Variants in AEBP2 observed in about 807,000 individuals in gnomAD.
AEBP2 encodes the protein zinc finger protein AEBP2.
A neutral mutation model predicts 50.8 loss-of-function variants in AEBP2; 10 were observed. That is an observed-to-expected ratio of 0.20 (90% CI 0.12 to 0.33). AEBP2 has a LOEUF of 0.33. Among genes scored for constraint, AEBP2 ranks in the 10% least tolerant of loss-of-function variants. The pLI, the probability that AEBP2 is intolerant of heterozygous loss-of-function variation, is 1.00. For missense variants in AEBP2, 570 were observed against 688.0 expected (o/e 0.83, Z 1.92); for synonymous variants, 296 against 261.3 (o/e 1.13, Z -1.28).
upstream of AEBP2, among the ~76,000 whole-genome samples, chr12:19,437,150 C>G (rs1947868075): frequency 6.6e-6 from 1 of 152,166 alleles, no homozygotes; most frequent in African/African-American, 2.4e-5. Flanking sequence ...ACAGAGAGGT[C>G]AAGACGAATC....
At chr12:19,482,727 G>T (rs1011840555) in intron 3 of AEBP2, among the ~76,000 whole-genome samples, 2 of 152,168 alleles carry the variant, frequency 1.3e-5, no homozygotes, top group African/African-American at 4.8e-5. Flanking sequence ...GGCGGAACTG[G>T]GCTCAGACTC....
chr12:19,468,126 T>TTGTG (rs10643072), intron 2 of AEBP2, among the ~76,000 whole-genome samples: 7,823 of 144,002 alleles, frequency 0.054, 682 homozygotes, highest in African/African-American at 0.18. Flanking sequence ...CTGCCTGACT[T>TTGTG]TGTGTGTGTG....
chr12:19,492,578 T>TA (rs900728019), intron 3 of AEBP2, among the ~76,000 whole-genome samples: 2 of 151,550 alleles, frequency 1.3e-5, no homozygotes, highest in South Asian at 2.1e-4. Flanking sequence ...AAAATATAAA[T>TA]AAAAAAACAA....
chr12:19,447,026 G>A (rs1175976607), intron 1 of AEBP2, among the ~76,000 whole-genome samples: 2 of 152,214 alleles, frequency 1.3e-5, no homozygotes, highest in Non-Finnish European at 2.9e-5. Flanking sequence ...TTAGGCTTGC[G>A]TAAATGATGA....
At chr12:19,493,625 C>T (rs1041789813) in intron 3 of AEBP2, among the ~76,000 whole-genome samples, 175 bp from the exon 4 acceptor site, 4 of 152,138 alleles carry the variant, frequency 2.6e-5, no homozygotes, top group Non-Finnish European at 5.9e-5. Context: ...TGTCATCTTA[C>T]TTGGCAACTT....
chr12:19,412,606 T>A (rs541687450), intron 1 of AEBP2, among the ~76,000 whole-genome samples: 166 of 151,160 alleles, frequency 1.1e-3, no homozygotes, highest in East Asian at 1.8e-3. Flanking sequence ...TATTATTATT[T>A]TTAATTTTAT....
chr12:19,477,117 CATT>C (rs1948659903), intron 3 of AEBP2, among the ~76,000 whole-genome samples: 1 of 152,056 alleles, frequency 6.6e-6, no homozygotes, highest in Non-Finnish European at 1.5e-5. Flanking sequence ...TCAACTTCGT[CATT>C]GTTGGTGTAG....
intron 1 of AEBP2, among the ~76,000 whole-genome samples, chr12:19,410,532 G>A (rs558714190): frequency 3.9e-5 from 6 of 152,172 alleles, no homozygotes; most frequent in Non-Finnish European, 5.9e-5. Flanking sequence ...CAGCCAATTC[G>A]AATACCCTGC....
intron 7 of AEBP2, among the ~76,000 whole-genome samples, chr12:19,515,363 G>A (rs117679722): frequency 0.018 from 2,735 of 152,196 alleles, 27 homozygotes; most frequent in Non-Finnish European, 0.029. Flanking sequence ...GGTGCTTTGC[G>A]TATACGTCAT....
chr12:19,467,626 G>GA (rs1321796958), intron 2 of AEBP2, among the ~76,000 whole-genome samples: 1 of 152,120 alleles, frequency 6.6e-6, no homozygotes, highest in Non-Finnish European at 1.5e-5. Context: ...ACTGGTTTCT[G>GA]AAGATTAGAC....
chr12:19,478,607 A>G (rs563720188), intron 3 of AEBP2, among the ~76,000 whole-genome samples: 61 of 152,274 alleles, frequency 4.0e-4, no homozygotes, highest in Non-Finnish European at 8.2e-4. Context: ...TAGGCATTTA[A>G]TGCTATGAAC....
intron 5 of AEBP2, among the ~76,000 whole-genome samples, chr12:19,507,808 A>G (rs779997339): frequency 6.6e-6 from 1 of 152,238 alleles, no homozygotes; most frequent in Non-Finnish European, 1.5e-5. Context: ...TGGAGGCAGT[A>G]CATGTTAAAC....
chr12:19,457,303 C>T, intron 1 of AEBP2: 2 of 1,551,686 alleles, frequency 1.3e-6, no homozygotes, highest in Non-Finnish European at 8.8e-7. Context: ...CAGGACAGCA[C>T]AGTCAGCCTG....
At position 19,518,560 on chromosome 12, in the gene AEBP2, T is replaced by C; in HGVS notation, c.*443T>C. The stretch of plus-strand genomic sequence containing the variant: ...TAAGGATATTTGTCTTGACAGTGTT[T>C]ATTGATTTGAAGTCATATTAGGAAA... On this transcript the variant is annotated 3_prime_UTR_variant, in exon 8 of 8. Transcript: ENST00000266508. 1 of 1,330,006 alleles carries C rather than the reference T, an allele frequency of 7.5e-7. No individual in the cohort carries two copies. The highest frequency in any genetic ancestry group is 9.8e-7 in the Non-Finnish European group (1 of 1,024,486). 82.4% of individuals were successfully genotyped at this position (1,330,006 alleles called of 1,614,324 possible).
At chr12:19,497,326 G>GTTTT (rs1491166710) in intron 4 of AEBP2, among the ~76,000 whole-genome samples, 46 of 60,178 alleles carry the variant, frequency 7.6e-4, no homozygotes, top group African/African-American at 3.7e-3. Flanking sequence ...GTTTCCAAAG[G>GTTTT]TGTTTTTTTT....
At chr12:19,462,247 A>G (rs1026781721) in intron 1 of AEBP2, among the ~76,000 whole-genome samples, 1 of 152,122 alleles carries the variant, frequency 6.6e-6, no homozygotes, top group African/African-American at 2.4e-5. Context: ...TGTAAGATGT[A>G]GTATTGAGTT....
chr12:19,469,038 C>T (rs1287277187), intron 2 of AEBP2, among the ~76,000 whole-genome samples: 2 of 152,180 alleles, frequency 1.3e-5, no homozygotes, highest in Non-Finnish European at 2.9e-5. Flanking sequence ...GATCCTCCTC[C>T]CTCAGCCTCC....
upstream of AEBP2, among the ~76,000 whole-genome samples, chr12:19,435,257 C>G (rs1023247612): frequency 2.0e-5 from 3 of 148,700 alleles, no homozygotes; most frequent in African/African-American, 5.0e-5. Context: ...CCTCCCATAG[C>G]TGTGTGCCAC....
chr12:19,453,596 G>A (rs535676534), intron 1 of AEBP2, among the ~76,000 whole-genome samples: 2 of 151,558 alleles, frequency 1.3e-5, no homozygotes, highest in African/African-American at 4.8e-5. Flanking sequence ...GCTAATTTTT[G>A]TGTTTTTATT....
Sources: gnomAD v4.1 joint callset for allele counts (sites outside exome capture counted in the v4.1 genomes callset) on GRCh38, gnomAD v4.1.1 for gene constraint, MANE v1.5 for transcripts, NCBI Gene and HGNC (gene_info 2026-07-23, HGNC 2026-07-21) for gene names.